Variants in ITCH observed in about 807,000 individuals in gnomAD.
The protein encoded by ITCH is itchy E3 ubiquitin protein ligase.
Under a neutral mutation model 126.8 loss-of-function variants are expected in ITCH, and 28 were observed. That is an observed-to-expected ratio of 0.22 (90% CI 0.16 to 0.30). ITCH has a LOEUF of 0.30. Ranked by LOEUF, ITCH falls within the 10% of genes least tolerant of loss-of-function variation. The probability of loss-of-function intolerance (pLI) is 1.00; values close to 1 mark genes in which losing one functional copy is unlikely to be tolerated. For synonymous variants in ITCH, 342 were observed against 340.0 expected (o/e 1.01, Z -0.06); for missense variants, 631 against 1,032.4 (o/e 0.61, Z 5.33).
chr20:34,456,184 GTATATATATATA>G (rs1326551793), intron 12 of ITCH, among the ~76,000 whole-genome samples: 21 of 47,242 alleles, frequency 4.4e-4, no homozygotes, highest in African/African-American at 2.7e-3. Context: ...GTGTGTGTGT[GTATATATATATA>G]TATATATATA....
At chr20:34,379,904 C>T (rs929190037) in intron 2 of ITCH, among the ~76,000 whole-genome samples, 19 of 140,306 alleles carry the variant, frequency 1.4e-4, no homozygotes, top group Admixed American at 5.8e-4. Context: ...GCCCCCCCCC[C>T]CCTTTTTTTT....
intron 23 of ITCH, among the ~76,000 whole-genome samples, chr20:34,494,494 T>C (rs1012366254): frequency 2.0e-5 from 3 of 152,224 alleles, no homozygotes; most frequent in African/African-American, 7.2e-5. Context: ...TTTTTTACTT[T>C]TTAAATTATT....
chr20:34,429,163 T>C (rs1378381990), intron 7 of ITCH, among the ~76,000 whole-genome samples: 3 of 152,132 alleles, frequency 2.0e-5, no homozygotes, highest in African/African-American at 7.2e-5. Flanking sequence ...GGTCTCGAAC[T>C]TCTGACCTCA....
chr20:34,370,069 A>G (rs1601731216), intron 2 of ITCH, among the ~76,000 whole-genome samples: 1 of 149,488 alleles, frequency 6.7e-6, no homozygotes, highest in Non-Finnish European at 1.5e-5. Context: ...ACGCCACTGC[A>G]CTCCAGCCTG....
In ITCH at chr20:34,385,701, A is replaced by G. The variant is rs1433968745; in HGVS notation, c.-21-8090A>G. Among the ~76,000 whole-genome samples, 7 of 152,182 alleles carry G rather than the reference A, an allele frequency of 4.6e-5. No homozygotes were observed. In the East Asian group the frequency reaches 1.3e-3, roughly 29 times the overall value. On this transcript the variant is annotated intron_variant, in intron 2 of 24. Coordinates refer to ENST00000374864, the MANE Select transcript of ITCH (RefSeq NM_031483.7). ...TCTGTGTTCATACTGTTGAACCTCG[A>G]AAGTTGTAGCTTCCTCTTTTTCTCT...
rs976411528 is a variant in ITCH, at chr20:34,510,009, A to T, written c.*2215A>T. On this transcript the variant is annotated 3_prime_UTR_variant, in exon 25 of 25. Coordinates refer to ENST00000374864, the MANE Select transcript of ITCH (RefSeq NM_031483.7). ...TATCACCCAAAAGGCTTTCTGCCCTATATTTTTAAAATACAGAATAGTTAT... is the reference window on the plus strand; with the variant it reads ...TATCACCCAAAAGGCTTTCTGCCCTTTATTTTTAAAATACAGAATAGTTAT... The T allele has an allele frequency of 2.6e-5, 4 of 152,620 alleles. No homozygotes were observed. 9.5% of individuals were successfully genotyped at this position (152,620 alleles called of 1,614,324 possible).
chr20:34,486,129 C>T (rs924735026), intron 20 of ITCH, among the ~76,000 whole-genome samples: 1 of 152,080 alleles, frequency 6.6e-6, no homozygotes, highest in Non-Finnish European at 1.5e-5. Context: ...AGCCTCCCAC[C>T]TCAGCCTTCC....
intron 3 of ITCH, among the ~76,000 whole-genome samples, chr20:34,396,036 T>TA (rs1325157060): frequency 2.9e-5 from 4 of 138,434 alleles, no homozygotes; most frequent in Non-Finnish European, 6.1e-5. Flanking sequence ...ATTATTATTA[T>TA]TTTTTTTTTT....
intron 14 of ITCH, among the ~76,000 whole-genome samples, chr20:34,469,253 A>T (rs1315913474): frequency 2.0e-5 from 3 of 150,838 alleles, no homozygotes; most frequent in Non-Finnish European, 4.4e-5. Flanking sequence ...ACACACACTC[A>T]CACACTTTTT....
intron 16 of ITCH, among the ~76,000 whole-genome samples, chr20:34,475,398 A>G (rs1988100396): frequency 6.6e-6 from 1 of 152,180 alleles, no homozygotes; most frequent in African/African-American, 2.4e-5. Context: ...TCCGTCTGCA[A>G]TCCCGGCACC....
At chr20:34,440,516 G>A (rs1381278801) in intron 9 of ITCH, among the ~76,000 whole-genome samples, 172 bp downstream of exon 9, 4 of 151,954 alleles carry the variant, frequency 2.6e-5, no homozygotes, top group African/African-American at 9.7e-5. Context: ...GAGTGCAGTG[G>A]TGTGATCTTG....
chr20:34,410,026 GC>G, intron 4 of ITCH, among the ~76,000 whole-genome samples: 1 of 149,640 alleles, frequency 6.7e-6, no homozygotes, highest in African/African-American at 2.5e-5. Context: ...GGGCAATGTA[GC>G]GAGACCCTGT....
chr20:34,425,301 G>T (rs1341828396), intron 7 of ITCH, among the ~76,000 whole-genome samples: 2 of 152,178 alleles, frequency 1.3e-5, no homozygotes, highest in South Asian at 4.1e-4. Context: ...GCAGAAAGCC[G>T]CAGGGACCTC....
chr20:34,455,273 A>G (rs1985768685), intron 12 of ITCH, among the ~76,000 whole-genome samples: 1 of 152,162 alleles, frequency 6.6e-6, no homozygotes, highest in African/African-American at 2.4e-5. Flanking sequence ...TCTTTAATAC[A>G]TCAGTTCATT....
chr20:34,505,797 A>C (rs1303277034), intron 24 of ITCH, among the ~76,000 whole-genome samples: 1 of 151,934 alleles, frequency 6.6e-6, no homozygotes, highest in Non-Finnish European at 1.5e-5. Context: ...CTCGTGATCC[A>C]CCCACTTTGG....
At chr20:34,365,342 A>G (rs1006006388) in intron 1 of ITCH, among the ~76,000 whole-genome samples, 2 of 152,220 alleles carry the variant, frequency 1.3e-5, no homozygotes, top group Admixed American at 1.3e-4. Flanking sequence ...ATATGAAATT[A>G]AAAAAATGAG....
At chr20:34,377,148 C>T (rs568144740) in intron 2 of ITCH, among the ~76,000 whole-genome samples, 2 of 152,002 alleles carry the variant, frequency 1.3e-5, no homozygotes, top group Admixed American at 6.6e-5. Flanking sequence ...CTGAGGTGGG[C>T]GGATCACTTG....
At chr20:34,383,143 G>A (rs1054746836) in intron 2 of ITCH, among the ~76,000 whole-genome samples, 4 of 152,048 alleles carry the variant, frequency 2.6e-5, no homozygotes, top group Non-Finnish European at 5.9e-5. Flanking sequence ...TCGGGCTCTG[G>A]CGATGCTCCT....
intron 2 of ITCH, among the ~76,000 whole-genome samples, chr20:34,388,454 A>C (rs2038369436): frequency 6.6e-6 from 1 of 151,900 alleles, no homozygotes; most frequent in South Asian, 2.1e-4. Flanking sequence ...GCCTTATCAC[A>C]GCTCACTGCA....
Sources: allele counts gnomAD v4.1 joint callset (sites outside exome capture counted in the v4.1 genomes callset), GRCh38; gene constraint gnomAD v4.1.1; transcripts MANE v1.5; gene names NCBI Gene and HGNC (gene_info 2026-07-23, HGNC 2026-07-21).